The following CNOT1 variants were observed in gnomAD, a reference collection of about 807,000 sequenced individuals.
CNOT1 encodes CCR4-NOT transcription complex subunit 1.
Under a neutral mutation model 273.8 loss-of-function variants are expected in CNOT1, and 15 were observed. The ratio of observed to expected loss-of-function variants is 0.05; its 90% CI spans 0.04 to 0.08. The LOEUF (loss-of-function observed/expected upper bound fraction) is 0.08. Ranked by LOEUF, CNOT1 falls within the 10% of genes least tolerant of loss-of-function variation. The probability of loss-of-function intolerance (pLI) is 1.00; values close to 1 mark genes in which losing one functional copy is unlikely to be tolerated. For missense variants in CNOT1, 1,644 were observed against 2,912.2 expected (o/e 0.56, Z 10.02); for synonymous variants, 1,022 against 1,005.5 (o/e 1.02, Z -0.31).
intron 12 of CNOT1, among the ~76,000 whole-genome samples, chr16:58,579,237 T>G (rs2041570584): frequency 6.6e-6 from 1 of 152,156 alleles, no homozygotes; most frequent in Admixed American, 6.5e-5. Context: ...TGGGGTAGAC[T>G]AGAGAACAAA....
At chr16:58,551,298 A>T in intron 23 of CNOT1, 26 bp from the exon 24 acceptor site, 1 of 1,550,272 alleles carries the variant, frequency 6.5e-7, no homozygotes. Flanking sequence ...AAAGTACATA[A>T]GGCAAATAAG....
Position 58,542,297 on chromosome 16 carries a change from G to A in CNOT1, c.4614C>T (p.Arg1538=), listed in dbSNP as rs767208159. ...TTAAAACAACAGGATCACAGTATCTGCGTCCTTCTTGCCTAGCATGTTTTC... is the reference window on the plus strand; with the variant it reads ...TTAAAACAACAGGATCACAGTATCTACGTCCTTCTTGCCTAGCATGTTTTC... ...ELRKHARQEG[R]RYCDPVVLTY... is the part of the protein sequence containing the mutation. The change falls in exon 33 of 49, where the codon CGC becomes CGT. Residue 1538 remains arginine (R), a synonymous_variant. Transcript: ENST00000317147. The A allele has an allele frequency of 1.9e-6, 3 of 1,614,138 alleles. No homozygotes were observed. Among genetic ancestry groups the A allele is most frequent in the Admixed American group, 1.7e-5 (1 of 60,022 alleles).
At chr16:58,523,890 T>C in intron 46 of CNOT1, 1 of 169,858 alleles carries the variant, frequency 5.9e-6, no homozygotes, top group Non-Finnish European at 1.3e-5. Flanking sequence ...ATGTAACCTC[T>C]GAGAAATTCA....
chr16:58,529,995 T>A (rs1420606193), intron 43 of CNOT1, among the ~76,000 whole-genome samples: 1 of 151,780 alleles, frequency 6.6e-6, no homozygotes, highest in African/African-American at 2.4e-5. Flanking sequence ...AACCAGTAAC[T>A]CCTCCAAGCT....
In CNOT1 at chr16:58,569,525, A is replaced by C. The variant is rs372566130; in HGVS notation, c.1979+5084T>G. On this transcript the variant is annotated intron_variant, in intron 16 of 48. Transcript: ENST00000317147. ...GTCCATAGAAATTAGCAAAAAAAAA[A>C]ACCAAAAAACAGAAATTCGTTTTTT... Among the ~76,000 whole-genome samples, 16 of 152,220 alleles carry C rather than the reference A, an allele frequency of 1.1e-4. No homozygotes were observed. The South Asian group carries it at 1.9e-3, about 18-fold the overall frequency.
intron 35 of CNOT1, 102 bp downstream of exon 35, chr16:58,539,666 A>T: frequency 8.3e-7 from 1 of 1,199,014 alleles, no homozygotes; most frequent in Non-Finnish European, 1.1e-6. Flanking sequence ...GATTTATATT[A>T]TGAAATCTTA....
chr16:58,578,641 C>T (rs1003513802), intron 13 of CNOT1, 58 bp downstream of exon 13: 22 of 1,594,338 alleles, frequency 1.4e-5, no homozygotes, highest in South Asian at 3.4e-5. Flanking sequence ...TTCCTCAACA[C>T]TCCAAAGAAG....
At chr16:58,555,699 G>A in intron 20 of CNOT1, 85 bp downstream of exon 20, 2 of 1,584,436 alleles carry the variant, frequency 1.3e-6, no homozygotes, top group East Asian at 4.5e-5. Context: ...AGGGCACTTT[G>A]AGCTGGATTT....
Position 58,545,485 on chromosome 16 carries a change from G to C in CNOT1, c.4013C>G (p.Ser1338Cys). Reference protein sequence around the residue: ...ELPPITTTTTSTTPATNTTCT... With the variant: ...ELPPITTTTTCTTPATNTTCT... ...AGTGGTGTTGGTAGCTGGTGTAGTA[G>C]AAGTTGCTAAATGTCAAGTAATAAA... Residue 1338 changes from serine (S) to cysteine (C), a missense_variant, in exon 30 of 49, where the codon TCT (serine) becomes TGT (cysteine). Physicochemically the swap from Ser to Cys is moderately radical, Grantham distance 112. Coordinates refer to ENST00000317147, the MANE Select transcript of CNOT1 (RefSeq NM_016284.5). 6.2e-7 allele frequency: 1 copy of C among 1,613,898 alleles called. No homozygotes were observed. The highest frequency in any genetic ancestry group is 8.5e-7 in the Non-Finnish European group (1 of 1,179,898).
At chr16:58,627,235 T>G (rs563478955) in intron 1 of CNOT1, among the ~76,000 whole-genome samples, 1 of 151,720 alleles carries the variant, frequency 6.6e-6, no homozygotes, top group Non-Finnish European at 1.5e-5. Flanking sequence ...GGTGAAACCC[T>G]GTCTCTATTA....
chr16:58,593,582 AAGTT>A (rs1370269178), intron 2 of CNOT1, among the ~76,000 whole-genome samples: 2 of 150,802 alleles, frequency 1.3e-5, no homozygotes, highest in Admixed American at 1.3e-4. Context: ...AAAAAAAAAA[AAGTT>A]AGCCAGGCAT....
At chr16:58,546,852 A>C in intron 27 of CNOT1, 103 bp from the exon 28 acceptor site, 4 of 1,408,196 alleles carry the variant, frequency 2.8e-6, no homozygotes, top group Non-Finnish European at 3.9e-6. Flanking sequence ...GGAGTCAAAC[A>C]AATAAAAAAC....
rs113828690 is a variant in CNOT1, at chr16:58,618,457, C to G, written c.-175+11271G>C. ...ATTAGCAGGACATGGTGGTGCACAT[C>G]TGTAATCCCAGCTACTTGGGAGGCT... On this transcript the variant is annotated intron_variant, in intron 1 of 48. Coordinates refer to ENST00000317147, the MANE Select transcript of CNOT1 (RefSeq NM_016284.5). Among the ~76,000 whole-genome samples the G allele has an allele frequency of 2.7e-3, 409 of 152,092 alleles. 2 individuals carry two copies. The highest frequency in any genetic ancestry group is 9.3e-3 in the African/African-American group (386 of 41,488).
At chr16:58,544,583 T>C (rs1256372350) in intron 30 of CNOT1, among the ~76,000 whole-genome samples, 1 of 152,184 alleles carries the variant, frequency 6.6e-6, no homozygotes, top group African/African-American at 2.4e-5. Flanking sequence ...ACCATGTCTA[T>C]AGGAGTGGGG....
intron 31 of CNOT1, chr16:58,543,392 T>C (rs1165247716): frequency 6.6e-7 from 1 of 1,521,728 alleles, no homozygotes; most frequent in Non-Finnish European, 8.8e-7. Flanking sequence ...CTGTCAAACA[T>C]CGTGTTGAGA....
Position 58,588,891 on chromosome 16 carries a change from C to A in CNOT1, c.118G>T (p.Gly40Cys). ...AATAAATGCCTGTCTGCCTCAGGAC[C>A]GTGCCGATTCACAATCTAAAATGAC... ...QEIQHIVNRH[G>C]PEADRHLLRC... The change falls in exon 3 of 49, where the codon GGT becomes TGT. Residue 40 changes from glycine (G) to cysteine (C), a missense_variant. This residue lies in a region of CNOT1 where 706 missense variants were observed against 1,021.2 expected (regional missense o/e 0.69). Transcript: ENST00000317147. 1 of 1,612,602 alleles carries A rather than the reference C, an allele frequency of 6.2e-7. No homozygotes were observed. The highest frequency in any genetic ancestry group is 8.5e-7 in the Non-Finnish European group (1 of 1,179,560).
intron 45 of CNOT1, 136 bp from the exon 46 acceptor site, chr16:58,525,495 A>G (rs961591495): frequency 9.7e-6 from 7 of 725,256 alleles, no homozygotes; most frequent in Non-Finnish European, 1.6e-5. Flanking sequence ...TGAATTTGTG[A>G]GGTTATTTAA....
intron 1 of CNOT1, among the ~76,000 whole-genome samples, chr16:58,617,556 T>C (rs1291481690): frequency 6.6e-6 from 1 of 152,122 alleles, no homozygotes; most frequent in African/African-American, 2.4e-5. Flanking sequence ...AAATCTGAAA[T>C]GAGAAACATG....
intron 31 of CNOT1, 137 bp from the exon 32 acceptor site, chr16:58,542,705 G>T: frequency 1.5e-6 from 2 of 1,317,396 alleles, no homozygotes; most frequent in Non-Finnish European, 2.0e-6. Context: ...TTATGAACAA[G>T]CTGTGATCTT....
Sources: gnomAD v4.1 joint callset for allele counts (sites outside exome capture counted in the v4.1 genomes callset) on GRCh38, gnomAD v4.1.1 for gene constraint, gnomAD v4.1.1 regional missense constraint, MANE v1.5 for transcripts, NCBI Gene and HGNC (gene_info 2026-07-23, HGNC 2026-07-21) for gene names.